Variants in AKR1D1 observed in about 807,000 individuals in gnomAD.
The protein encoded by AKR1D1 is delta(4)-3-ketosteroid 5-beta-reductase.
Under a neutral mutation model 42.6 loss-of-function variants are expected in AKR1D1, and 32 were observed. The ratio of observed to expected loss-of-function variants is 0.75; its 90% CI spans 0.57 to 1.01. The LOEUF (loss-of-function observed/expected upper bound fraction) is 1.01. AKR1D1 is among the 50% of genes least tolerant of loss of function. The pLI is 0.00. For synonymous variants in AKR1D1, 123 were observed against 135.5 expected (o/e 0.91, Z 0.64); for missense variants, 364 against 402.2 (o/e 0.91, Z 0.81).
At chr7:138,101,027 T>A (rs553162471) in intron 4 of AKR1D1, among the ~76,000 whole-genome samples, 19 of 151,318 alleles carry the variant, frequency 1.3e-4, no homozygotes, top group Non-Finnish European at 2.4e-4. Context: ...TCTATTAAAA[T>A]GATATCATAC....
At chr7:138,091,729 T>C (rs1562932868) in intron 2 of AKR1D1, 39 bp from the exon 3 acceptor site, 1 of 1,451,666 alleles carries the variant, frequency 6.9e-7, no homozygotes, top group Non-Finnish European at 9.7e-7. Flanking sequence ...GTAAAAAGCG[T>C]GTAGACATTA....
chr7:138,115,603 C>T (rs1435709338), intron 8 of AKR1D1, among the ~76,000 whole-genome samples: 1 of 152,070 alleles, frequency 6.6e-6, no homozygotes, highest in Non-Finnish European at 1.5e-5. Context: ...GAAAAATCAG[C>T]AAGGTGGAAC....
At chr7:138,084,910 G>C (rs1803137514) in intron 1 of AKR1D1, among the ~76,000 whole-genome samples, 1 of 151,912 alleles carries the variant, frequency 6.6e-6, no homozygotes, top group Admixed American at 6.6e-5. Context: ...ACAAAAATTA[G>C]CTGGGCTTGG....
At chr7:138,108,161 T>C (rs1276236092) in intron 7 of AKR1D1, among the ~76,000 whole-genome samples, 2 of 152,232 alleles carry the variant, frequency 1.3e-5, no homozygotes, top group African/African-American at 4.8e-5. Context: ...ACTTCATGAA[T>C]GCTAATTGCC....
Position 138,096,527 on chromosome 7 carries a change from G to A in AKR1D1, c.379-1339G>A, listed in dbSNP as rs532446521. The stretch of plus-strand genomic sequence containing the variant: ...CCCCACCTCCCAACACAGTTGCACT[G>A]GGGATTAAGTTTCCAACACATGAAT... On this transcript the variant is annotated intron_variant, in intron 3 of 8. Transcript: ENST00000242375. 2.0e-5 allele frequency among the ~76,000 whole-genome samples: 3 copies of A among 152,250 alleles called. No individual in the cohort carries two copies. In the East Asian group the frequency reaches 5.8e-4, roughly 29 times the overall value.
chr7:138,088,918 G>A, intron 2 of AKR1D1, 150 bp downstream of exon 2: 1 of 898,078 alleles, frequency 1.1e-6, no homozygotes, highest in African/African-American at 1.7e-5. Flanking sequence ...TTGTTTGTTT[G>A]TTTGAAAGAT....
chr7:138,113,275 C>G (rs1376987980), intron 7 of AKR1D1, among the ~76,000 whole-genome samples: 1 of 150,894 alleles, frequency 6.6e-6, no homozygotes, highest in Non-Finnish European at 1.5e-5. Context: ...AAGATGATAC[C>G]ACAGCACTCC....
chr7:138,085,919 A>G (rs1803165542), intron 1 of AKR1D1, among the ~76,000 whole-genome samples: 1 of 151,844 alleles, frequency 6.6e-6, no homozygotes, highest in African/African-American at 2.4e-5. Context: ...TGTTTCTGAG[A>G]TTCTATTTAC....
chr7:138,105,272 G>T (rs1341602546), intron 4 of AKR1D1, 35 bp from the exon 5 acceptor site: 1 of 1,613,786 alleles, frequency 6.2e-7, no homozygotes, highest in African/African-American at 1.3e-5. Context: ...TTCTTGTGAG[G>T]CTTGTTTGTT....
chr7:138,109,625 G>T (rs572607081), intron 7 of AKR1D1, among the ~76,000 whole-genome samples: 1 of 152,268 alleles, frequency 6.6e-6, no homozygotes, highest in East Asian at 1.9e-4. Context: ...GGGAAGGAAA[G>T]TTCGTAAAAA....
chr7:138,076,939 A>G (rs1327067855), intron 1 of AKR1D1, among the ~76,000 whole-genome samples: 1 of 152,086 alleles, frequency 6.6e-6, no homozygotes, highest in Non-Finnish European at 1.5e-5. Flanking sequence ...TTTTTTTTAT[A>G]TGAGATAATT....
Position 138,098,353 on chromosome 7 carries a change from T to A in AKR1D1, c.456+410T>A, listed in dbSNP as rs1468325891. The A allele has an allele frequency of 1.7e-5, 3 of 180,518 alleles. No homozygotes were observed. In the Admixed American group the frequency reaches 1.7e-4, roughly 10 times the overall value. 11.2% of individuals were successfully genotyped at this position (180,518 alleles called of 1,614,324 possible). A position where few individuals can be genotyped will look rare whatever the true frequency, so the allele number is the denominator to read the frequency against. On this transcript the variant is annotated intron_variant, in intron 4 of 8. Transcript: ENST00000242375. ...GGCCAGTCGCAGTGGCTCACACTTG[T>A]AATCCCAGCACTTTGGAAGGCCAAG... is the stretch of plus-strand genomic sequence containing the variant.
intron 1 of AKR1D1, among the ~76,000 whole-genome samples, chr7:138,087,133 T>C (rs1793942618): frequency 6.6e-6 from 1 of 152,164 alleles, no homozygotes; most frequent in Admixed American, 6.5e-5. Flanking sequence ...AAGTCCAAGA[T>C]CAAGATGCCG....
intron 8 of AKR1D1, among the ~76,000 whole-genome samples, chr7:138,116,196 A>G (rs1794629576): frequency 6.6e-6 from 1 of 152,190 alleles, no homozygotes; most frequent in Non-Finnish European, 1.5e-5. Flanking sequence ...AAAGAAGAAA[A>G]AAATGCTAAT....
Position 138,088,671 on chromosome 7 carries a change from C to A in AKR1D1, c.164C>A (p.Ala55Asp). ...IDTGYRHIDG[A>D]YIYQNEHEVG... ...ACAGGGTACCGACATATTGATGGGGCCTACATCTACCAAAATGAACACGAA... is the reference window on the plus strand; with the variant it reads ...ACAGGGTACCGACATATTGATGGGGACTACATCTACCAAAATGAACACGAA... The change falls in exon 2 of 9, where the codon GCC becomes GAC. Residue 55 changes from alanine (A) to aspartate (D), a missense_variant. Coordinates refer to ENST00000242375, the MANE Select transcript of AKR1D1 (RefSeq NM_005989.4). 6.2e-7 allele frequency: 1 copy of A among 1,614,008 alleles called. No homozygotes were observed. The highest frequency in any genetic ancestry group is 8.5e-7 in the Non-Finnish European group (1 of 1,179,986).
At chr7:138,107,156 C>T in intron 6 of AKR1D1, 1 of 631,372 alleles carries the variant, frequency 1.6e-6, no homozygotes, top group South Asian at 1.5e-5. Context: ...TATGCCAGCT[C>T]TCTCTATAAG....
intron 7 of AKR1D1, among the ~76,000 whole-genome samples, chr7:138,112,263 G>A (rs1374749314): frequency 6.6e-6 from 1 of 152,038 alleles, no homozygotes; most frequent in East Asian, 1.9e-4. Flanking sequence ...TTTTATAGGC[G>A]ATTCATTCAT....
intron 2 of AKR1D1, among the ~76,000 whole-genome samples, chr7:138,090,113 A>T (rs755738705): frequency 1.3e-4 from 20 of 152,236 alleles, no homozygotes; most frequent in Non-Finnish European, 2.5e-4. Context: ...ATGCCCAGGA[A>T]TGAAAAAGAA....
Position 138,104,554 on chromosome 7 carries a change from G to A in AKR1D1, c.457-753G>A, listed in dbSNP as rs561049535. The stretch of plus-strand genomic sequence containing the variant: ...CTCTACTAAAAATATAAAACTAGCC[G>A]GGCGTGGTGGTGCATGCCTGTAATC... On this transcript the variant is annotated intron_variant, in intron 4 of 8. Transcript: ENST00000242375. Among the ~76,000 whole-genome samples the A allele has an allele frequency of 9.2e-5, 14 of 151,986 alleles. 1 individual carries two copies. The South Asian group carries it at 2.3e-3, about 25-fold the overall frequency.
Sources: allele counts gnomAD v4.1 joint callset (sites outside exome capture counted in the v4.1 genomes callset), GRCh38; gene constraint gnomAD v4.1.1; transcripts MANE v1.5; gene names NCBI Gene and HGNC (gene_info 2026-07-23, HGNC 2026-07-21).